The following DNAH14 variants were observed in gnomAD, a reference collection of about 807,000 sequenced individuals.
DNAH14 encodes axonemal beta dynein heavy chain 14.
Under a neutral mutation model 520.9 loss-of-function variants are expected in DNAH14, and 478 were observed. The ratio of observed to expected loss-of-function variants is 0.92; its 90% CI spans 0.85 to 0.99. The LOEUF (loss-of-function observed/expected upper bound fraction) is 0.99, where lower values mean the gene tolerates loss of function less well. Among genes scored for constraint, DNAH14 ranks in the 50% least tolerant of loss-of-function variants. The pLI is 0.00. For missense variants in DNAH14, 4,831 were observed against 5,234.5 expected, an observed-to-expected ratio of 0.92 and a Z score of 2.38; for synonymous variants, 1,581 against 1,757.2, an observed-to-expected ratio of 0.90 and a Z score of 2.51.
chr1:225,389,880 A>T lies in DNAH14; in HGVS notation c.13330+7A>T, dbSNP rs752911075. On this transcript the variant is annotated splice_region_variant and intron_variant, in intron 83 of 85. Coordinates refer to ENST00000682510, the MANE Select transcript of DNAH14 (RefSeq NM_001367479.1). Reference sequence around the variant, plus strand: ...GCTTTCTTCTTTCCACAAGGTGAGCATTAGAACCAAGGTCAGCTCCAGACC... The same window carrying T: ...GCTTTCTTCTTTCCACAAGGTGAGCTTTAGAACCAAGGTCAGCTCCAGACC... 15 of 1,551,376 alleles carry T rather than the reference A, an allele frequency of 9.7e-6. No individual in the cohort carries two copies. In the South Asian group the frequency reaches 1.7e-4, roughly 17 times the overall value.
In DNAH14 at chr1:225,001,544, G is replaced by A. The variant is rs568176729; in HGVS notation, c.831-1239G>A. Reference sequence around the variant, plus strand: ...TCAATGTGTTATTTTTTTCTTGTTAGATCATGCATTACAGCTATAAATTTT... The same window carrying A: ...TCAATGTGTTATTTTTTTCTTGTTAAATCATGCATTACAGCTATAAATTTT... On this transcript the variant is annotated intron_variant, in intron 8 of 85. Coordinates refer to ENST00000682510, the MANE Select transcript of DNAH14 (RefSeq NM_001367479.1). Among the ~76,000 whole-genome samples the A allele has an allele frequency of 3.3e-5, 5 of 152,120 alleles. 1 individual carries two copies. The South Asian group carries it at 1.0e-3, about 32-fold the overall frequency.
chr1:225,375,231 A>G (rs948042612), intron 78 of DNAH14, among the ~76,000 whole-genome samples: 3 of 152,180 alleles, frequency 2.0e-5, no homozygotes, highest in African/African-American at 4.8e-5. Flanking sequence ...AGATGCTGTT[A>G]TGTTTCCAGA....
chr1:225,254,036 T>TA (rs1446238369), intron 44 of DNAH14, among the ~76,000 whole-genome samples: 1 of 152,098 alleles, frequency 6.6e-6, no homozygotes, highest in Non-Finnish European at 1.5e-5. Context: ...ATTGTACAAT[T>TA]AAAAAGAAAG....
At chr1:225,283,143 G>T (rs1183369722) in intron 54 of DNAH14, among the ~76,000 whole-genome samples, 1 of 150,952 alleles carries the variant, frequency 6.6e-6, no homozygotes, top group Non-Finnish European at 1.5e-5. Context: ...GAAACAAAGG[G>T]AAAAAAAATG....
chr1:225,065,141 T>G (rs1156602847), intron 17 of DNAH14, among the ~76,000 whole-genome samples: 1 of 151,994 alleles, frequency 6.6e-6, no homozygotes, highest in Non-Finnish European at 1.5e-5. Context: ...AACAAATTCA[T>G]CATGAAATCT....
chr1:225,322,854 C>A, intron 62 of DNAH14, 31 bp downstream of exon 62: 1 of 1,519,012 alleles, frequency 6.6e-7, no homozygotes, highest in Non-Finnish European at 8.9e-7. Context: ...TGATGCATCT[C>A]ATATTTACAG....
chr1:225,322,036 T>G (rs2094563174), intron 61 of DNAH14, among the ~76,000 whole-genome samples: 1 of 151,918 alleles, frequency 6.6e-6, no homozygotes, highest in Non-Finnish European at 1.5e-5. Context: ...AGAGAGGGGT[T>G]TCTATTTTTA....
At chr1:224,971,748 G>C (rs1337707404) in intron 7 of DNAH14, among the ~76,000 whole-genome samples, 1 of 152,190 alleles carries the variant, frequency 6.6e-6, no homozygotes, top group African/African-American at 2.4e-5. Context: ...AACAAGTTTA[G>C]TATGGATTTG....
intron 73 of DNAH14, among the ~76,000 whole-genome samples, chr1:225,358,268 A>G (rs1246227768): frequency 1.3e-5 from 2 of 152,198 alleles, no homozygotes; most frequent in Non-Finnish European, 2.9e-5. Flanking sequence ...TGAAAGACAT[A>G]GAGGCACAGG....
intron 17 of DNAH14, among the ~76,000 whole-genome samples, chr1:225,069,974 A>G (rs553904028): frequency 6.6e-6 from 1 of 151,780 alleles, no homozygotes; most frequent in South Asian, 2.1e-4. Flanking sequence ...TTTCTTCTAG[A>G]TTTTCTAGCT....
intron 9 of DNAH14, among the ~76,000 whole-genome samples, chr1:225,007,210 A>G (rs1021348170): frequency 6.6e-6 from 1 of 152,240 alleles, no homozygotes; most frequent in Non-Finnish European, 1.5e-5. Context: ...TTAAAACACC[A>G]ATGTATTTTT....
At chr1:225,206,286 C>T (rs1401685180) in intron 40 of DNAH14, 107 bp downstream of exon 40, 2 of 1,023,856 alleles carry the variant, frequency 2.0e-6, no homozygotes, top group Admixed American at 5.7e-5. Flanking sequence ...ACCTTTGTAT[C>T]CAGCAGCATG....
At chr1:225,305,738 G>A (rs2094226291) in intron 58 of DNAH14, among the ~76,000 whole-genome samples, 1 of 152,298 alleles carries the variant, frequency 6.6e-6, no homozygotes, top group African/African-American at 2.4e-5. Flanking sequence ...GAGACATGAA[G>A]GGCTGCCGAG....
intron 41 of DNAH14, among the ~76,000 whole-genome samples, chr1:225,216,264 C>T (rs958528818): frequency 5.3e-5 from 8 of 152,168 alleles, no homozygotes; most frequent in Admixed American, 2.0e-4. Context: ...CCAAGAGATC[C>T]ACTGTTAGTC....
Position 225,079,469 on chromosome 1 carries a change from C to G in DNAH14, c.2687C>G (p.Thr896Ser). The change falls in exon 18 of 86, where the codon ACT becomes AGT. Residue 896 changes from threonine (T) to serine (S), a missense_variant. Thr to Ser is a moderately conservative substitution (Grantham distance 58, BLOSUM62 1). Coordinates refer to ENST00000682510, the MANE Select transcript of DNAH14 (RefSeq NM_001367479.1). ...SMKLSKINKDTAITKFRDNLE... is the reference protein window; with the variant it reads ...SMKLSKINKDSAITKFRDNLE... ...AAGTTAAGTAAAATAAATAAAGACACTGCTATAACTAAATTCAGAGATAAC... is the reference window on the plus strand; with the variant it reads ...AAGTTAAGTAAAATAAATAAAGACAGTGCTATAACTAAATTCAGAGATAAC... 6.5e-7 allele frequency: 1 copy of G among 1,543,952 alleles called. No homozygotes were observed. The highest frequency in any genetic ancestry group is 8.7e-7 in the Non-Finnish European group (1 of 1,145,342).
intron 27 of DNAH14, among the ~76,000 whole-genome samples, chr1:225,137,494 T>C (rs1573420141): frequency 6.6e-6 from 1 of 152,290 alleles, no homozygotes. Flanking sequence ...TAGCTGAGAT[T>C]ACGGGCATGC....
intron 78 of DNAH14, among the ~76,000 whole-genome samples, chr1:225,376,863 A>C (rs531948706): frequency 6.6e-6 from 1 of 152,264 alleles, no homozygotes; most frequent in Admixed American, 6.5e-5. Flanking sequence ...TATTCTTAAG[A>C]TCATTCTCAC....
At chr1:225,244,948 C>T (rs971797040) in intron 43 of DNAH14, among the ~76,000 whole-genome samples, 75 of 152,170 alleles carry the variant, frequency 4.9e-4, no homozygotes, top group African/African-American at 1.6e-3. Context: ...GTTAGGGTGT[C>T]GATTTTAGAT....
rs35025436 is a variant in DNAH14 at position 225,251,177 on chromosome 1, CT to C, written c.6749-1111del. On this transcript the variant is annotated intron_variant, in intron 43 of 85. Coordinates refer to ENST00000682510, the MANE Select transcript of DNAH14 (RefSeq NM_001367479.1). ...TAAATATAAATTGTAAAACTATAAA[CT>C]TTTTTTTTTTTTGAGATGGAGTCTT... Among the ~76,000 whole-genome samples, 753 of 145,824 alleles carry C rather than the reference CT, an allele frequency of 5.2e-3. 6 individuals are homozygous for C. The highest frequency in any genetic ancestry group is 0.014 in the African/African-American group (555 of 39,828).
Sources: gnomAD v4.1 joint callset for allele counts (sites outside exome capture counted in the v4.1 genomes callset) on GRCh38, gnomAD v4.1.1 for gene constraint, MANE v1.5 for transcripts, NCBI Gene and HGNC (gene_info 2026-07-23, HGNC 2026-07-21) for gene names.